Variants in GNAQ observed in about 807,000 individuals in gnomAD.
GNAQ encodes G protein subunit alpha q.
GNAQ carries 8 observed loss-of-function variants against 43.9 expected under a neutral mutation model. That is an observed-to-expected ratio of 0.18 (90% CI 0.11 to 0.33). The LOEUF is 0.33. Ranked by LOEUF, GNAQ falls within the 10% of genes least tolerant of loss-of-function variation. The pLI is 1.00. For missense variants in GNAQ, 158 were observed against 450.8 expected, an observed-to-expected ratio of 0.35 and a Z score of 5.88; for synonymous variants, 155 against 170.7, an observed-to-expected ratio of 0.91 and a Z score of 0.71.
chr9:77,893,705 C>A (rs1828441514), intron 2 of GNAQ, among the ~76,000 whole-genome samples: 1 of 152,108 alleles, frequency 6.6e-6, no homozygotes, highest in African/African-American at 2.4e-5. Flanking sequence ...TGAGGAAAAG[C>A]TGGGTTGTAA....
chr9:77,795,415 T>A (rs563534247), intron 4 of GNAQ, among the ~76,000 whole-genome samples: 26 of 152,322 alleles, frequency 1.7e-4, no homozygotes, highest in African/African-American at 6.3e-4. Context: ...AATTGTTGAA[T>A]CCGTATCTTG....
chr9:78,026,351 T>C (rs1474811447), intron 1 of GNAQ, among the ~76,000 whole-genome samples: 2 of 152,212 alleles, frequency 1.3e-5, no homozygotes, highest in African/African-American at 4.8e-5. Context: ...GAGCCACAGT[T>C]TTGATTTTTA....
At chr9:77,896,733 A>G (rs1222811792) in intron 2 of GNAQ, among the ~76,000 whole-genome samples, 1 of 152,206 alleles carries the variant, frequency 6.6e-6, no homozygotes, top group Non-Finnish European at 1.5e-5. Flanking sequence ...CTCCTCCTCA[A>G]CTTCCCCTTT....
intron 1 of GNAQ, among the ~76,000 whole-genome samples, chr9:77,964,481 G>A (rs1376060461): frequency 2.0e-5 from 3 of 152,010 alleles, no homozygotes; most frequent in East Asian, 1.9e-4. Flanking sequence ...CAACAACAAC[G>A]AAAAACATTA....
intron 1 of GNAQ, among the ~76,000 whole-genome samples, chr9:77,989,580 G>A (rs547514809): frequency 3.0e-4 from 45 of 152,234 alleles, no homozygotes; most frequent in Non-Finnish European, 5.9e-4. Context: ...TCTCTAGTCT[G>A]GCTGCATATG....
chr9:77,840,889 G>A (rs1392191008), intron 2 of GNAQ, among the ~76,000 whole-genome samples: 1 of 152,060 alleles, frequency 6.6e-6, no homozygotes, highest in African/African-American at 2.4e-5. Context: ...CCTTCAGGGA[G>A]AGCACTGGAG....
intron 2 of GNAQ, among the ~76,000 whole-genome samples, chr9:77,825,824 C>T (rs895974323): frequency 6.6e-6 from 1 of 152,042 alleles, no homozygotes; most frequent in Non-Finnish European, 1.5e-5. Flanking sequence ...CAGGTGCAAA[C>T]ACAAGTATCT....
intron 6 of GNAQ, among the ~76,000 whole-genome samples, chr9:77,722,928 G>A (rs1825339514): frequency 6.6e-6 from 1 of 152,172 alleles, no homozygotes; most frequent in East Asian, 1.9e-4. Flanking sequence ...ATAAGCATGA[G>A]CTACCACACC....
chr9:77,846,299 G>A (rs949010343), intron 2 of GNAQ, among the ~76,000 whole-genome samples: 1 of 152,218 alleles, frequency 6.6e-6, no homozygotes, highest in Non-Finnish European at 1.5e-5. Context: ...CAGCCAAGCT[G>A]TGGCTGCCCC....
chr9:77,916,774 AG>A (rs1018410564), intron 2 of GNAQ, among the ~76,000 whole-genome samples: 70 of 152,106 alleles, frequency 4.6e-4, no homozygotes, highest in Middle Eastern at 3.4e-3. Context: ...AAAAAAAAAA[AG>A]GTGCAACTGT....
At chr9:77,934,750 T>TCATG (rs1829207154) in intron 1 of GNAQ, among the ~76,000 whole-genome samples, 4 of 152,238 alleles carry the variant, frequency 2.6e-5, no homozygotes, top group Non-Finnish European at 5.9e-5. Context: ...CAAAAGTTAC[T>TCATG]GAATCTGCAC....
chr9:77,805,887 G>T (rs1434287906), intron 3 of GNAQ, among the ~76,000 whole-genome samples: 1 of 152,148 alleles, frequency 6.6e-6, no homozygotes, highest in Non-Finnish European at 1.5e-5. Context: ...ATCTAGAAAA[G>T]ATTTTTAAAA....
At chr9:77,840,008 C>G (rs539535194) in intron 2 of GNAQ, among the ~76,000 whole-genome samples, 3 of 152,292 alleles carry the variant, frequency 2.0e-5, no homozygotes, top group African/African-American at 7.2e-5. Flanking sequence ...CATAACCTTT[C>G]CAAATGACTC....
intron 5 of GNAQ, among the ~76,000 whole-genome samples, chr9:77,751,739 G>T (rs1256315166): frequency 6.6e-6 from 1 of 152,086 alleles, no homozygotes; most frequent in African/African-American, 2.4e-5. Context: ...TCAATTTGAT[G>T]GCTGTTGCTA....
chr9:77,894,035 T>G (rs1469893715), intron 2 of GNAQ, among the ~76,000 whole-genome samples: 1 of 152,024 alleles, frequency 6.6e-6, no homozygotes, highest in Non-Finnish European at 1.5e-5. Flanking sequence ...TTCAGGGCTC[T>G]TCTAGTGTCC....
intron 2 of GNAQ, among the ~76,000 whole-genome samples, chr9:77,904,277 A>G (rs1828665251): frequency 2.7e-5 from 4 of 149,832 alleles, no homozygotes; most frequent in Non-Finnish European, 5.9e-5. Flanking sequence ...TCTAGAACAA[A>G]AGAGATATGG....
At chr9:77,759,031 G>C (rs1384642703) in intron 5 of GNAQ, among the ~76,000 whole-genome samples, 1 of 152,120 alleles carries the variant, frequency 6.6e-6, no homozygotes, top group African/African-American at 2.4e-5. Context: ...GAACTCAATA[G>C]AGTATTCTTA....
chr9:77,720,547 A>G lies in GNAQ; in HGVS notation c.*776T>C, dbSNP rs142106028. 0.01 allele frequency: 2,369 copies of G among 233,408 alleles called. 14 individuals carry two copies. The highest frequency in any genetic ancestry group is 0.021 in the African/African-American group (968 of 45,460). 14.5% of individuals were successfully genotyped at this position (233,408 alleles called of 1,614,324 possible). On this transcript the variant is annotated 3_prime_UTR_variant, in exon 7 of 7. Transcript: ENST00000286548. ...AGAAGCAAAGAAGGGAGGAAAGACA[A>G]TGGCACGTGGCATTTCAAAAGAAAG...
intron 2 of GNAQ, among the ~76,000 whole-genome samples, chr9:77,873,054 T>C (rs886983577): frequency 6.6e-6 from 1 of 152,216 alleles, no homozygotes; most frequent in Non-Finnish European, 1.5e-5. Context: ...AGAGAATGTA[T>C]TGGAAAGTAT....
Sources: gnomAD v4.1 joint callset for allele counts (sites outside exome capture counted in the v4.1 genomes callset) on GRCh38, gnomAD v4.1.1 for gene constraint, MANE v1.5 for transcripts, NCBI Gene and HGNC (gene_info 2026-07-23, HGNC 2026-07-21) for gene names.